The following FHOD3 variants were observed in gnomAD, a reference collection of about 807,000 sequenced individuals.
The protein encoded by FHOD3 is formin homology 2 domain containing 3, also known as FH1/FH2 domain-containing protein 3.
FHOD3 carries 90 observed loss-of-function variants against 173.0 expected under a neutral mutation model. The ratio of observed to expected loss-of-function variants is 0.52; its 90% CI spans 0.44 to 0.62. The LOEUF (loss-of-function observed/expected upper bound fraction) is 0.62. Ranked by LOEUF, FHOD3 falls within the 20% of genes least tolerant of loss-of-function variation. The pLI is 0.00. For synonymous variants in FHOD3, 828 were observed against 823.0 expected (o/e 1.01, Z -0.10); for missense variants, 1,945 against 2,034.7 (o/e 0.96, Z 0.85).
At chr18:36,299,453 G>T (rs769058645) in intron 1 of FHOD3, among the ~76,000 whole-genome samples, 16 of 152,174 alleles carry the variant, frequency 1.1e-4, no homozygotes, top group Admixed American at 2.0e-4. Flanking sequence ...GATTATTCAG[G>T]CCACTACGGT....
intron 5 of FHOD3, among the ~76,000 whole-genome samples, chr18:36,575,241 G>A (rs1435739286): frequency 2.0e-5 from 3 of 152,154 alleles, no homozygotes; most frequent in Non-Finnish European, 4.4e-5. Flanking sequence ...AAAGTGTTGG[G>A]ATTACAGGCA....
intron 5 of FHOD3, among the ~76,000 whole-genome samples, chr18:36,527,930 C>T (rs569017166): frequency 2.6e-5 from 4 of 152,326 alleles, no homozygotes; most frequent in South Asian, 2.1e-4. Flanking sequence ...TTCCATGACT[C>T]ATCTCCTGGG....
intron 1 of FHOD3, among the ~76,000 whole-genome samples, chr18:36,332,798 C>A (rs1434095517): frequency 6.6e-6 from 1 of 152,182 alleles, no homozygotes; most frequent in Non-Finnish European, 1.5e-5. Flanking sequence ...GCTTAGTCTC[C>A]CTCTGCCTGG....
intron 17 of FHOD3, among the ~76,000 whole-genome samples, chr18:36,699,830 T>C (rs909574748): frequency 1.4e-4 from 21 of 152,328 alleles, no homozygotes; most frequent in Admixed American, 1.1e-3. Context: ...GGGCATGATA[T>C]GCATCTTTGG....
At chr18:36,777,198 C>CTTTTTTTTTTTT (rs11294880) in intron 28 of FHOD3, among the ~76,000 whole-genome samples, 32 of 108,864 alleles carry the variant, frequency 2.9e-4, no homozygotes, top group Middle Eastern at 4.4e-3. Context: ...TCTTCTTTTT[C>CTTTTTTTTTTTT]TTTTTTTTTT....
intron 15 of FHOD3, among the ~76,000 whole-genome samples, chr18:36,684,931 T>G (rs1255042917): frequency 2.0e-5 from 3 of 152,062 alleles, no homozygotes; most frequent in Non-Finnish European, 2.9e-5. Flanking sequence ...GCCTCCCAAA[T>G]AGCTGGGACT....
chr18:36,384,437 G>A (rs1206325458), intron 3 of FHOD3, among the ~76,000 whole-genome samples: 2 of 151,928 alleles, frequency 1.3e-5, no homozygotes, highest in Non-Finnish European at 2.9e-5. Flanking sequence ...GGAGCATGGT[G>A]GTAGATGCCT....
intron 14 of FHOD3, among the ~76,000 whole-genome samples, chr18:36,673,055 C>T (rs1219806839): frequency 1.3e-5 from 2 of 152,024 alleles, no homozygotes; most frequent in African/African-American, 4.8e-5. Flanking sequence ...AACAAAGTGC[C>T]AACTCATCAT....
At chr18:36,546,706 G>A (rs2057423357) in intron 5 of FHOD3, among the ~76,000 whole-genome samples, 1 of 152,152 alleles carries the variant, frequency 6.6e-6, no homozygotes, top group Non-Finnish European at 1.5e-5. Flanking sequence ...ATGGATGGGT[G>A]TTTTGGTTCA....
At chr18:36,721,570 T>C (rs1171308953) in intron 19 of FHOD3, among the ~76,000 whole-genome samples, 4 of 152,078 alleles carry the variant, frequency 2.6e-5, no homozygotes, top group Non-Finnish European at 5.9e-5. Context: ...ATCCTGAGCC[T>C]GAGAAGGTCA....
intron 13 of FHOD3, among the ~76,000 whole-genome samples, chr18:36,655,990 G>T (rs2036401534): frequency 6.6e-6 from 1 of 152,228 alleles, no homozygotes; most frequent in Non-Finnish European, 1.5e-5. Flanking sequence ...CTTGTGGTGG[G>T]AAGGGAATTG....
intron 14 of FHOD3, among the ~76,000 whole-genome samples, chr18:36,660,947 C>A (rs1212376360): frequency 1.3e-5 from 2 of 152,204 alleles, no homozygotes; most frequent in African/African-American, 2.4e-5. Flanking sequence ...AGTACGGTAG[C>A]TTCTAAGAGT....
chr18:36,499,487 G>A (rs544703546), intron 3 of FHOD3, among the ~76,000 whole-genome samples: 1 of 152,220 alleles, frequency 6.6e-6, no homozygotes, highest in South Asian at 2.1e-4. Flanking sequence ...CCACTTCTTT[G>A]GGGGTATACA....
intron 3 of FHOD3, among the ~76,000 whole-genome samples, chr18:36,492,613 C>T (rs2054528293): frequency 6.6e-6 from 1 of 152,108 alleles, no homozygotes; most frequent in Non-Finnish European, 1.5e-5. Flanking sequence ...TTTATATACT[C>T]ATAAGTATTT....
chr18:36,576,787 G>T (rs565416614), intron 6 of FHOD3, among the ~76,000 whole-genome samples: 1 of 151,930 alleles, frequency 6.6e-6, no homozygotes, highest in African/African-American at 2.4e-5. Flanking sequence ...TGGAACCTTC[G>T]GTTTTTAATA....
chr18:36,326,772 A>T (rs2044690394), intron 1 of FHOD3, among the ~76,000 whole-genome samples: 1 of 152,150 alleles, frequency 6.6e-6, no homozygotes, highest in South Asian at 2.1e-4. Flanking sequence ...AAATATAAAA[A>T]ATTTAAAAGG....
intron 5 of FHOD3, among the ~76,000 whole-genome samples, chr18:36,551,214 T>G (rs1228667314): frequency 6.6e-6 from 1 of 152,202 alleles, no homozygotes. Context: ...TTTAAAACTG[T>G]TAAACTGGGG....
chr18:36,526,426 A>G (rs1461994334), intron 5 of FHOD3, among the ~76,000 whole-genome samples: 1 of 137,038 alleles, frequency 7.3e-6, no homozygotes, highest in African/African-American at 2.5e-5. Context: ...TTCATAATTC[A>G]GCTTTTTTTT....
intron 25 of FHOD3, among the ~76,000 whole-genome samples, chr18:36,757,234 C>T (rs188970856): frequency 1.4e-4 from 22 of 152,282 alleles, no homozygotes; most frequent in African/African-American, 5.3e-4. Flanking sequence ...ACAGGATAGG[C>T]TTCGTCAGGA....
Sources: gnomAD v4.1 joint callset for allele counts (sites outside exome capture counted in the v4.1 genomes callset) on GRCh38, gnomAD v4.1.1 for gene constraint, MANE v1.5 for transcripts, NCBI Gene and HGNC (gene_info 2026-07-23, HGNC 2026-07-21) for gene names.